FAM53B: variants seen among roughly 807,000 people sequenced by gnomAD.
The protein encoded by FAM53B is family with sequence similarity 53 member B, also known as protein FAM53B.
FAM53B carries 12 observed loss-of-function variants against 32.7 expected under a neutral mutation model. That is an observed-to-expected ratio of 0.37 (90% CI 0.24 to 0.59). The LOEUF is 0.59. Ranked by LOEUF, FAM53B falls within the 20% of genes least tolerant of loss-of-function variation. FAM53B has a pLI of 0.72. For synonymous variants in FAM53B, 234 were observed against 228.7 expected (o/e 1.02, Z -0.21); for missense variants, 477 against 577.7 (o/e 0.83, Z 1.79).
chr10:124,679,328 G>A (rs1387969148), intron 4 of FAM53B, among the ~76,000 whole-genome samples: 1 of 152,162 alleles, frequency 6.6e-6, no homozygotes, highest in African/African-American at 2.4e-5. Context: ...CACCTCACTG[G>A]CCATCTGGCA....
intron 4 of FAM53B, among the ~76,000 whole-genome samples, chr10:124,626,005 G>A (rs1455960163): frequency 1.3e-5 from 2 of 152,220 alleles, no homozygotes; most frequent in East Asian, 1.9e-4. Context: ...AGAGCAGCCC[G>A]GATGACATGC....
intron 1 of FAM53B, among the ~76,000 whole-genome samples, chr10:124,741,329 T>G (rs1950198183): frequency 6.6e-6 from 1 of 152,230 alleles, no homozygotes; most frequent in South Asian, 2.1e-4. Context: ...AATGCGCAAT[T>G]TAACTGCAGA....
intron 4 of FAM53B, among the ~76,000 whole-genome samples, chr10:124,661,628 C>A (rs1276059565): frequency 6.6e-6 from 1 of 152,202 alleles, no homozygotes; most frequent in African/African-American, 2.4e-5. Flanking sequence ...AGGGAAGGGA[C>A]CTTTTACTGT....
At chr10:124,703,283 C>T (rs1949928221) in intron 2 of FAM53B, among the ~76,000 whole-genome samples, 1 of 152,206 alleles carries the variant, frequency 6.6e-6, no homozygotes, top group African/African-American at 2.4e-5. Flanking sequence ...CTCCTGACCT[C>T]GTGATCCGCC....
Position 124,620,031 on chromosome 10 carries a change from G to C in FAM53B, c.*3211C>G, listed in dbSNP as rs1949296291. On this transcript the variant is annotated 3_prime_UTR_variant, in exon 5 of 5. Transcript: ENST00000337318. ...GGAGACCCATTTGGAAGTTAGTTAG[G>C]GTTTGTTTTGTTTTCTTTTTAATGT... The C allele has an allele frequency of 6.6e-6, 1 of 152,318 alleles. No individual in the cohort carries two copies. The highest frequency in any genetic ancestry group is 1.5e-5 in the Non-Finnish European group (1 of 68,020). The allele number at this position is 152,318 out of a possible 1,614,324, so 9.4% of individuals were successfully genotyped here.
chr10:124,657,864 G>C (rs1367163592), intron 4 of FAM53B, among the ~76,000 whole-genome samples: 1 of 152,202 alleles, frequency 6.6e-6, no homozygotes, highest in Non-Finnish European at 1.5e-5. Context: ...CCCACAGCTA[G>C]AGCCGCAACC....
intron 2 of FAM53B, chr10:124,703,518 A>G (rs1399267094): frequency 7.2e-5 from 11 of 152,392 alleles, no homozygotes; most frequent in African/African-American, 2.7e-4. Context: ...CCCACGCTAT[A>G]GCGCAGGCAG....
At chr10:124,698,896 A>C (rs1949893346) in intron 2 of FAM53B, among the ~76,000 whole-genome samples, 1 of 152,200 alleles carries the variant, frequency 6.6e-6, no homozygotes, top group South Asian at 2.1e-4. Flanking sequence ...CACAGCCTAC[A>C]GGGCCCCATA....
intron 4 of FAM53B, among the ~76,000 whole-genome samples, chr10:124,642,986 C>T (rs1470996): frequency 0.18 from 27,789 of 152,182 alleles, 2,752 homozygotes; most frequent in East Asian, 0.29. Context: ...ACATTCCTGA[C>T]GGTATCGTGG....
intron 1 of FAM53B, among the ~76,000 whole-genome samples, chr10:124,715,744 C>T (rs1950035140): frequency 6.6e-6 from 1 of 152,232 alleles, no homozygotes; most frequent in Non-Finnish European, 1.5e-5. Flanking sequence ...AGGGCCCTGG[C>T]TAAGCTCTGC....
intron 3 of FAM53B, among the ~76,000 whole-genome samples, chr10:124,683,699 T>C (rs1447340763): frequency 6.6e-6 from 1 of 151,670 alleles, no homozygotes; most frequent in Non-Finnish European, 1.5e-5. Context: ...GCAGGCCCTT[T>C]TCACTACACT....
At chr10:124,699,987 T>TGGTGCTGACAAAGGA (rs1364235392) in intron 2 of FAM53B, among the ~76,000 whole-genome samples, 1 of 152,254 alleles carries the variant, frequency 6.6e-6, no homozygotes, top group African/African-American at 2.4e-5. Flanking sequence ...AGATGGCCTC[T>TGGTGCTGACAAAGGA]GGTGCTGACA....
chr10:124,640,820 C>T (rs1466910683), intron 4 of FAM53B, among the ~76,000 whole-genome samples: 3 of 152,054 alleles, frequency 2.0e-5, no homozygotes, highest in South Asian at 2.1e-4. Flanking sequence ...AATACAGCCC[C>T]GAGCGCAGGA....
chr10:124,622,898 G>A lies in FAM53B; in HGVS notation c.*344C>T, dbSNP rs535680198. 70 of 205,202 alleles carry A rather than the reference G, an allele frequency of 3.4e-4. No individual in the cohort carries two copies. The highest frequency in any genetic ancestry group is 6.3e-4 in the Non-Finnish European group (64 of 101,848). 12.7% of individuals were successfully genotyped at this position (205,202 alleles called of 1,614,324 possible). ...CCCCACCACCAGGGGGATACAGAGCGGTGCCCAGCTCTGCCGGGGACAACA... is the reference window on the plus strand; with the variant it reads ...CCCCACCACCAGGGGGATACAGAGCAGTGCCCAGCTCTGCCGGGGACAACA... On this transcript the variant is annotated 3_prime_UTR_variant, in exon 5 of 5. Transcript: ENST00000337318.
At chr10:124,677,873 G>C (rs1046021536) in intron 4 of FAM53B, among the ~76,000 whole-genome samples, 2 of 152,312 alleles carry the variant, frequency 1.3e-5, no homozygotes, top group African/African-American at 2.4e-5. Context: ...CAACAGACAG[G>C]AGAATGCTCA....
chr10:124,688,420 C>T (rs552198749), intron 3 of FAM53B, among the ~76,000 whole-genome samples: 6 of 152,340 alleles, frequency 3.9e-5, no homozygotes, highest in African/African-American at 1.2e-4. Flanking sequence ...ATGATACACA[C>T]GAGAGCGTGT....
intron 3 of FAM53B, among the ~76,000 whole-genome samples, chr10:124,691,166 C>T (rs547048011): frequency 6.7e-4 from 102 of 152,298 alleles, no homozygotes; most frequent in African/African-American, 2.4e-3. Flanking sequence ...TTAGTCCTCC[C>T]CAGCTCAACA....
intron 1 of FAM53B, among the ~76,000 whole-genome samples, chr10:124,727,355 CA>C (rs1950112499): frequency 7.3e-6 from 1 of 136,290 alleles, no homozygotes; most frequent in Non-Finnish European, 1.6e-5. Context: ...TGCGGGGGTA[CA>C]AAATGAATCC....
chr10:124,684,077 T>A (rs990889216), intron 3 of FAM53B, among the ~76,000 whole-genome samples: 1 of 152,232 alleles, frequency 6.6e-6, no homozygotes, highest in African/African-American at 2.4e-5. Context: ...CTCTTGGGCA[T>A]CCTGCCAAGG....
Sources: allele counts gnomAD v4.1 joint callset (sites outside exome capture counted in the v4.1 genomes callset), GRCh38; gene constraint gnomAD v4.1.1; transcripts MANE v1.5; gene names NCBI Gene and HGNC (gene_info 2026-07-23, HGNC 2026-07-21).